Variants in BMPR1B observed in about 807,000 individuals in gnomAD.
The protein encoded by BMPR1B is bone morphogenetic protein receptor type 1B.
A neutral mutation model predicts 59.1 loss-of-function variants in BMPR1B; 12 were observed. The observed-to-expected ratio is 0.20, with a 90% confidence interval of 0.13 to 0.33. The LOEUF is 0.33. Among genes scored for constraint, BMPR1B ranks in the 10% least tolerant of loss-of-function variants. The probability of loss-of-function intolerance (pLI) is 1.00; values close to 1 mark genes in which losing one functional copy is unlikely to be tolerated. For missense variants in BMPR1B, 550 were observed against 610.9 expected (o/e 0.90, Z 1.05); for synonymous variants, 237 against 207.3 (o/e 1.14, Z -1.23).
intron 1 of BMPR1B, among the ~76,000 whole-genome samples, chr4:94,805,203 A>C (rs559066002): frequency 6.6e-6 from 1 of 152,194 alleles, no homozygotes; most frequent in South Asian, 2.1e-4. Context: ...GAGAAGTTAA[A>C]TAACAGTTTT....
rs1231830693 is a variant in BMPR1B, at chr4:95,157,059, GTGA to G, written c.*2391_*2393del. 6.6e-6 allele frequency: 1 copy of G among 152,150 alleles called. No individual in the cohort carries two copies. Among genetic ancestry groups the G allele is most frequent in the African/African-American group, 2.4e-5 (1 of 41,450 alleles). The allele number at this position is 152,150 out of a possible 1,614,324, so 9.4% of individuals were successfully genotyped here. ...TCAAATCAGAATATTTTGTGAGGAG[GTGA>G]TGATTTGAAATTAAGCTAGATTTCT... On this transcript the variant is annotated 3_prime_UTR_variant, in exon 13 of 13. Transcript: ENST00000515059.
chr4:95,014,422 G>GA (rs1169938432), intron 3 of BMPR1B, among the ~76,000 whole-genome samples: 4 of 152,016 alleles, frequency 2.6e-5, no homozygotes, highest in Non-Finnish European at 4.4e-5. Flanking sequence ...TAGAAACAAT[G>GA]AAAAAAGCCT....
intron 3 of BMPR1B, among the ~76,000 whole-genome samples, chr4:95,051,148 G>A (rs1041846738): frequency 6.6e-5 from 10 of 152,186 alleles, no homozygotes; most frequent in Non-Finnish European, 8.8e-5. Context: ...ATCTGGTGAC[G>A]TAGTGTGAGT....
At chr4:95,128,486 A>G (rs555525099) in intron 8 of BMPR1B, among the ~76,000 whole-genome samples, 82 of 152,296 alleles carry the variant, frequency 5.4e-4, no homozygotes, top group African/African-American at 1.9e-3. Flanking sequence ...GAGTTCTTCA[A>G]ATATTTTACT....
intron 8 of BMPR1B, 140 bp downstream of exon 8, chr4:95,125,261 G>T: frequency 5.5e-6 from 6 of 1,087,186 alleles, no homozygotes; most frequent in African/African-American, 1.6e-5. Flanking sequence ...GATCTCAGCT[G>T]CAGGGCTTCC....
chr4:95,027,155 T>G (rs981759292), intron 3 of BMPR1B, among the ~76,000 whole-genome samples: 2 of 152,284 alleles, frequency 1.3e-5, no homozygotes, highest in South Asian at 2.1e-4. Context: ...ATAGTACTGT[T>G]TAAGGGTCAG....
chr4:94,919,503 G>C, intron 2 of BMPR1B, among the ~76,000 whole-genome samples: 1 of 152,084 alleles, frequency 6.6e-6, no homozygotes, highest in Non-Finnish European at 1.5e-5. Flanking sequence ...AAAACTGGAC[G>C]TTTTGACAGA....
chr4:95,151,671 C>G (rs985009383), intron 11 of BMPR1B, among the ~76,000 whole-genome samples: 6 of 152,064 alleles, frequency 3.9e-5, no homozygotes, highest in African/African-American at 1.2e-4. Flanking sequence ...AACACAGACC[C>G]CAGATTTTGG....
chr4:94,870,932 A>G (rs547457874), intron 1 of BMPR1B, among the ~76,000 whole-genome samples: 8 of 152,048 alleles, frequency 5.3e-5, no homozygotes, highest in African/African-American at 1.9e-4. Flanking sequence ...GAACATCCCA[A>G]GTTCTCAAGT....
chr4:94,917,025 T>G (rs1173219592), intron 2 of BMPR1B, among the ~76,000 whole-genome samples: 4 of 152,250 alleles, frequency 2.6e-5, no homozygotes, highest in African/African-American at 9.6e-5. Flanking sequence ...ATGCAAGCCA[T>G]AAGCCTTGCC....
At chr4:94,957,351 T>C (rs1730182319) in intron 2 of BMPR1B, among the ~76,000 whole-genome samples, 2 of 147,452 alleles carry the variant, frequency 1.4e-5, no homozygotes, top group Admixed American at 6.7e-5. Context: ...TTTTTTTTTT[T>C]TTTTTTTTTC....
chr4:94,834,558 A>G (rs1291613805), intron 1 of BMPR1B, among the ~76,000 whole-genome samples: 2 of 152,096 alleles, frequency 1.3e-5, no homozygotes, highest in Non-Finnish European at 2.9e-5. Context: ...CCTTCTCTAC[A>G]ACTTTGACAT....
At chr4:94,857,520 A>G (rs956577445) in intron 1 of BMPR1B, among the ~76,000 whole-genome samples, 1 of 152,214 alleles carries the variant, frequency 6.6e-6, no homozygotes, top group Admixed American at 6.5e-5. Flanking sequence ...AAAAAATTTT[A>G]GTTTACAAAA....
intron 10 of BMPR1B, among the ~76,000 whole-genome samples, chr4:95,138,316 C>T (rs1160967298): frequency 6.6e-6 from 1 of 152,152 alleles, no homozygotes; most frequent in Non-Finnish European, 1.5e-5. Flanking sequence ...CTAACCCGAC[C>T]TTTCTCTCTG....
intron 2 of BMPR1B, among the ~76,000 whole-genome samples, chr4:94,876,236 C>T (rs191931054): frequency 2.6e-5 from 4 of 152,250 alleles, no homozygotes; most frequent in African/African-American, 7.2e-5. Flanking sequence ...GATATCATCA[C>T]GATAACATGT....
intron 3 of BMPR1B, among the ~76,000 whole-genome samples, chr4:95,064,911 T>C (rs941624284): frequency 6.6e-6 from 1 of 152,142 alleles, no homozygotes; most frequent in African/African-American, 2.4e-5. Context: ...GGAATCCTCA[T>C]CTGTGGCTCC....
At position 94,963,405 on chromosome 4, in the gene BMPR1B, A is replaced by G. The variant is rs533914160; in HGVS notation, c.-112-32635A>G. On this transcript the variant is annotated intron_variant, in intron 2 of 12. Coordinates refer to ENST00000515059, the MANE Select transcript of BMPR1B (RefSeq NM_001203.3). ...CCTATGCTTTTGAGGTCTTACACAA[A>G]AAAATACTTGCCCCGACCAACATCC... 2.6e-5 allele frequency among the ~76,000 whole-genome samples: 4 copies of G among 152,270 alleles called. No homozygotes were observed. The East Asian group carries it at 7.7e-4, about 29-fold the overall frequency.
chr4:95,145,103 T>C (rs1184018768), intron 10 of BMPR1B, among the ~76,000 whole-genome samples: 1 of 152,242 alleles, frequency 6.6e-6, no homozygotes, highest in Non-Finnish European at 1.5e-5. Flanking sequence ...GTTAGCAGTT[T>C]ACCTTGTTTT....
At chr4:94,940,695 G>T (rs866155314) in intron 2 of BMPR1B, among the ~76,000 whole-genome samples, 4 of 152,278 alleles carry the variant, frequency 2.6e-5, no homozygotes, top group Middle Eastern at 3.4e-3. Flanking sequence ...CATCTCAACA[G>T]CACTGGATTT....
Sources: gnomAD v4.1 joint callset for allele counts (sites outside exome capture counted in the v4.1 genomes callset) on GRCh38, gnomAD v4.1.1 for gene constraint, MANE v1.5 for transcripts, NCBI Gene and HGNC (gene_info 2026-07-23, HGNC 2026-07-21) for gene names.